Variants in BRWD3 observed in about 807,000 individuals in gnomAD.
BRWD3 encodes bromodomain and WD repeat domain containing 3.
A neutral mutation model predicts 149.7 loss-of-function variants in BRWD3; 10 were observed. That is an observed-to-expected ratio of 0.07 (90% CI 0.04 to 0.11). The LOEUF is 0.11. Among genes scored for constraint, BRWD3 ranks in the 10% least tolerant of loss-of-function variants. BRWD3 has a pLI of 1.00. For synonymous variants in BRWD3, 504 were observed against 456.7 expected (o/e 1.10, Z -1.32); for missense variants, 940 against 1,373.2 (o/e 0.68, Z 4.99).
At chrX:80,754,868 T>C (rs377524435) in intron 6 of BRWD3, among the ~76,000 whole-genome samples, 1 of 111,207 alleles carries the variant, frequency 9.0e-6, no homozygotes, top group African/African-American at 3.3e-5. Context: ...ATTAGCCAGA[T>C]GTGGTGGTAT....
At chrX:80,678,061 G>A (rs1322037475) in intron 40 of BRWD3, among the ~76,000 whole-genome samples, 1 of 111,326 alleles carries the variant, frequency 9.0e-6, no homozygotes, top group East Asian at 2.8e-4. Flanking sequence ...GCTGGAGAAA[G>A]AATCTGATTT....
chrX:80,677,304 T>A lies in BRWD3; in HGVS notation c.4714A>T (p.Lys1572Ter), dbSNP rs758992307. 1 of 1,207,429 alleles carries A rather than the reference T, an allele frequency of 8.3e-7. No individual in the cohort carries two copies. The highest frequency in any genetic ancestry group is 1.1e-6 in the Non-Finnish European group (1 of 894,309). The change falls in exon 41 of 41, where the codon AAG (lysine) becomes TAG (stop). Residue 1572 changes from lysine to a stop codon, truncating the protein, a stop_gained. Coordinates refer to ENST00000373275, the MANE Select transcript of BRWD3 (RefSeq NM_153252.5). LOFTEE classifies it high-confidence loss of function. ...GDGREPRTGI[K>*]RKLLSASEED... The stretch of plus-strand genomic sequence containing the variant: ...TCTGATGCACTAAGTAGTTTTCTCT[T>A]GATTCCTGTCCGGGGCTCTCTGCCA...
At chrX:80,687,242 C>A (rs183502608) in intron 34 of BRWD3, among the ~76,000 whole-genome samples, 83 of 110,957 alleles carry the variant, frequency 7.5e-4, no homozygotes, top group African/African-American at 2.7e-3. Context: ...TTCTAGTACT[C>A]AAATCTGAAC....
chrX:80,692,556 A>G (rs1407390381), intron 28 of BRWD3, among the ~76,000 whole-genome samples: 1 of 112,274 alleles, frequency 8.9e-6, no homozygotes, highest in Non-Finnish European at 1.9e-5. Context: ...CGACTAAACA[A>G]AAGACTAAGT....
chrX:80,696,544 A>G (rs953872621), intron 26 of BRWD3, among the ~76,000 whole-genome samples, 195 bp downstream of exon 26: 1 of 109,063 alleles, frequency 9.2e-6, no homozygotes, highest in African/African-American at 3.3e-5. Context: ...ACACACACAC[A>G]CACACACACA....
intron 12 of BRWD3, among the ~76,000 whole-genome samples, chrX:80,732,583 G>GGA (rs917269312): frequency 9.0e-6 from 1 of 111,051 alleles, no homozygotes; most frequent in African/African-American, 3.3e-5. Context: ...AAAGAAAGTA[G>GGA]GAGAGAGAGA....
Position 80,670,522 on chromosome X carries a change from C to T in BRWD3, c.*6087G>A, listed in dbSNP as rs1257867191. 1.8e-5 allele frequency among the ~76,000 whole-genome samples: 2 copies of T among 109,699 alleles called. No homozygotes were observed. Among genetic ancestry groups the T allele is most frequent in the African/African-American group, 6.7e-5 (2 of 30,036 alleles). ...CCTTGACCTCCCAGGCTCGAGTGATCCTCCCACCTGTCTCCCAAGTACCTG... is the reference window on the plus strand; with the variant it reads ...CCTTGACCTCCCAGGCTCGAGTGATTCTCCCACCTGTCTCCCAAGTACCTG... On this transcript the variant is annotated 3_prime_UTR_variant, in exon 41 of 41. Transcript: ENST00000373275.
chrX:80,711,374 G>A (rs181871971), intron 20 of BRWD3, among the ~76,000 whole-genome samples: 1 of 111,732 alleles, frequency 8.9e-6, no homozygotes, highest in East Asian at 2.8e-4. Flanking sequence ...CCTATATAAC[G>A]TGTTTTAACT....
At chrX:80,707,298 G>A (rs1156811445) in intron 22 of BRWD3, 129 bp downstream of exon 22, 1 of 634,638 alleles carries the variant, frequency 1.6e-6, no homozygotes, top group Non-Finnish European at 2.5e-6. Context: ...AGGTCTCTCG[G>A]CTTCCAGCCA....
intron 8 of BRWD3, among the ~76,000 whole-genome samples, chrX:80,739,623 A>T (rs2073455084): frequency 9.0e-6 from 1 of 111,646 alleles, no homozygotes; most frequent in Admixed American, 9.5e-5. Flanking sequence ...AATATTTTTC[A>T]TTATTTAGTA....
chrX:80,786,640 A>G (rs1175747446), intron 6 of BRWD3, among the ~76,000 whole-genome samples: 1 of 110,848 alleles, frequency 9.0e-6, no homozygotes, highest in African/African-American at 3.3e-5. Flanking sequence ...TCAGCCTCCC[A>G]AGTAGCTAGG....
rs192614945 is a variant in BRWD3 at position 80,734,501 on chromosome X, T to C, written c.986-283A>G. 2.7e-5 allele frequency among the ~76,000 whole-genome samples: 3 copies of C among 111,675 alleles called. No homozygotes were observed. The East Asian group carries it at 8.4e-4, about 31-fold the overall frequency. ...CATTTCTTTATTTAGAAATGCAATG[T>C]TCCAAAATTATTTATAAGACAACTT... On this transcript the variant is annotated intron_variant, in intron 10 of 40. Transcript: ENST00000373275.
chrX:80,704,251 C>T (rs1602325286), intron 23 of BRWD3, among the ~76,000 whole-genome samples: 1 of 56,232 alleles, frequency 1.8e-5, no homozygotes, highest in South Asian at 5.2e-4. Flanking sequence ...AAAAAAAACA[C>T]CAAAAAACAT....
At chrX:80,791,046 G>A (rs1263519016) in intron 6 of BRWD3, among the ~76,000 whole-genome samples, 1 of 111,885 alleles carries the variant, frequency 8.9e-6, no homozygotes, top group African/African-American at 3.2e-5. Flanking sequence ...CAATGATTTT[G>A]TCTAAATATA....
intron 20 of BRWD3, among the ~76,000 whole-genome samples, chrX:80,712,179 C>T (rs1378953408): frequency 8.9e-6 from 1 of 111,916 alleles, no homozygotes; most frequent in Non-Finnish European, 1.9e-5. Flanking sequence ...CCTCTCCCCA[C>T]GGTATCCCTC....
Position 80,809,656 on chromosome X carries a change from C to G in BRWD3, c.-185G>C. 1 of 428,055 alleles carries G rather than the reference C, an allele frequency of 2.3e-6. No homozygotes were observed. The highest frequency in any genetic ancestry group is 3.9e-5 in the South Asian group (1 of 25,923). 35.3% of individuals were successfully genotyped at this position (428,055 alleles called of 1,213,427 possible). On this transcript the variant is annotated 5_prime_UTR_variant, in exon 1 of 41. Transcript: ENST00000373275. ...CGTTTCGACCCATAGATATTCTAGC[C>G]CAAGAGCTGAGGAGGCGGAGGAGGA...
chrX:80,809,661 A>G lies in BRWD3; in HGVS notation c.-190T>C, dbSNP rs1420895865. The G allele has an allele frequency of 1.2e-5, 5 of 423,754 alleles. No homozygotes were observed. Among genetic ancestry groups the G allele is most frequent in the Non-Finnish European group, 1.6e-5 (4 of 242,504 alleles). 34.9% of individuals were successfully genotyped at this position (423,754 alleles called of 1,213,427 possible). On this transcript the variant is annotated 5_prime_UTR_variant, in exon 1 of 41. Coordinates refer to ENST00000373275, the MANE Select transcript of BRWD3 (RefSeq NM_153252.5). ...CGACCCATAGATATTCTAGCCCAAG[A>G]GCTGAGGAGGCGGAGGAGGAAGGAG...
intron 11 of BRWD3, among the ~76,000 whole-genome samples, 162 bp from the exon 12 acceptor site, chrX:80,733,658 TTGGCAGTA>T (rs1467124070): frequency 9.1e-6 from 1 of 109,746 alleles, no homozygotes; most frequent in African/African-American, 3.3e-5. Flanking sequence ...GGAATACCTA[TTGGCAGTA>T]ACAGGAAACA....
chrX:80,734,537 C>T (rs1171270088), intron 10 of BRWD3, among the ~76,000 whole-genome samples: 1 of 111,165 alleles, frequency 9.0e-6, no homozygotes, highest in Non-Finnish European at 1.9e-5. Flanking sequence ...ATCTACAATT[C>T]TCTTTACTGT....
Sources: gnomAD v4.1 joint callset for allele counts (sites outside exome capture counted in the v4.1 genomes callset) on GRCh38, gnomAD v4.1.1 for gene constraint, MANE v1.5 for transcripts, NCBI Gene and HGNC (gene_info 2026-07-23, HGNC 2026-07-21) for gene names.